Variants in DIAPH3 observed in about 807,000 individuals in gnomAD.
DIAPH3 encodes protein diaphanous homolog 3.
A neutral mutation model predicts 144.3 loss-of-function variants in DIAPH3; 117 were observed. The observed-to-expected ratio is 0.81, with a 90% CI of 0.70 to 0.95. The LOEUF is 0.95. Among genes scored for constraint, DIAPH3 ranks in the 40% least tolerant of loss-of-function variants. The pLI, the probability that DIAPH3 is intolerant of heterozygous loss-of-function variation, is 0.00. For missense variants in DIAPH3, 1,421 were observed against 1,412.7 expected (o/e 1.01, Z -0.09); for synonymous variants, 519 against 488.9 (o/e 1.06, Z -0.81).
At chr13:59,675,054 T>C (rs1183967142) in intron 27 of DIAPH3, among the ~76,000 whole-genome samples, 1 of 152,210 alleles carries the variant, frequency 6.6e-6, no homozygotes, top group African/African-American at 2.4e-5. Context: ...AACTTTTACA[T>C]GCTATCTTTT....
chr13:60,076,332 A>G (rs954601939), intron 4 of DIAPH3, among the ~76,000 whole-genome samples: 1 of 151,766 alleles, frequency 6.6e-6, no homozygotes, highest in African/African-American at 2.4e-5. Context: ...CTCCGAAGAA[A>G]CCCCCTCTGT....
intron 27 of DIAPH3, among the ~76,000 whole-genome samples, chr13:59,722,911 A>ATGTCATG (rs1271430638): frequency 2.0e-5 from 3 of 152,156 alleles, no homozygotes; most frequent in African/African-American, 7.2e-5. Flanking sequence ...TCCACTTACA[A>ATGTCATG]TGTCATGATT....
chr13:59,720,201 T>C (rs568929878), intron 27 of DIAPH3, among the ~76,000 whole-genome samples: 4 of 152,190 alleles, frequency 2.6e-5, no homozygotes, highest in African/African-American at 7.2e-5. Context: ...AATATAAAGA[T>C]AAAAATTGTA....
chr13:60,016,756 A>T (rs2053680196), intron 5 of DIAPH3, among the ~76,000 whole-genome samples: 1 of 152,212 alleles, frequency 6.6e-6, no homozygotes, highest in African/African-American at 2.4e-5. Flanking sequence ...AAACAAACAA[A>T]CAAACAAACA....
chr13:60,038,733 A>G (rs2055409985), intron 5 of DIAPH3, among the ~76,000 whole-genome samples: 1 of 152,162 alleles, frequency 6.6e-6, no homozygotes, highest in Non-Finnish European at 1.5e-5. Flanking sequence ...AATAATGCCT[A>G]AAATTTCAAA....
chr13:60,156,499 T>A (rs1257309926), intron 1 of DIAPH3, among the ~76,000 whole-genome samples: 2 of 151,956 alleles, frequency 1.3e-5, no homozygotes, highest in African/African-American at 4.8e-5. Context: ...TTAGGGGGGA[T>A]GAATGGGCCC....
At chr13:60,151,659 C>T (rs1951791604) in intron 1 of DIAPH3, among the ~76,000 whole-genome samples, 1 of 152,142 alleles carries the variant, frequency 6.6e-6, no homozygotes, top group Admixed American at 6.5e-5. Context: ...CAAGTCTATA[C>T]CAGGCACCAC....
chr13:59,809,921 C>A (rs2040386849), intron 25 of DIAPH3, among the ~76,000 whole-genome samples: 1 of 152,092 alleles, frequency 6.6e-6, no homozygotes, highest in African/African-American at 2.4e-5. Context: ...TTGTTCAATC[C>A]TTACTGACTT....
At chr13:59,982,723 C>T (rs2051096600) in intron 13 of DIAPH3, among the ~76,000 whole-genome samples, 1 of 151,598 alleles carries the variant, frequency 6.6e-6, no homozygotes, top group African/African-American at 2.4e-5. Flanking sequence ...TACTCTGTTA[C>T]CCTAAAATCT....
At chr13:60,156,939 A>ATATATATTTTTTTTTT (rs1337230427) in intron 1 of DIAPH3, among the ~76,000 whole-genome samples, 1 of 82,070 alleles carries the variant, frequency 1.2e-5, no homozygotes, top group African/African-American at 5.4e-5. Context: ...ATATATATAT[A>ATATATATTTTTTTTTT]TTTTTTTTTT....
intron 5 of DIAPH3, among the ~76,000 whole-genome samples, chr13:60,040,830 A>G (rs1330147120): frequency 1.3e-5 from 2 of 152,074 alleles, no homozygotes; most frequent in Non-Finnish European, 2.9e-5. Context: ...CAGGTGCTCA[A>G]TAATTTTTTT....
At chr13:59,819,266 T>C (rs920265313) in intron 24 of DIAPH3, among the ~76,000 whole-genome samples, 3 of 151,942 alleles carry the variant, frequency 2.0e-5, no homozygotes, top group African/African-American at 7.2e-5. Context: ...AGTTGTAGTC[T>C]TGGTTTTCAT....
intron 17 of DIAPH3, among the ~76,000 whole-genome samples, chr13:59,930,479 AGGTGGG>A (rs1179359322): frequency 3.9e-5 from 6 of 152,208 alleles, no homozygotes; most frequent in Admixed American, 1.3e-4. Flanking sequence ...CCAGGTAAGA[AGGTGGG>A]GGTATGTGGG....
chr13:59,694,606 T>C (rs1019367951), intron 27 of DIAPH3, among the ~76,000 whole-genome samples: 11 of 152,166 alleles, frequency 7.2e-5, no homozygotes, highest in African/African-American at 2.7e-4. Flanking sequence ...TTGGGATGCC[T>C]ACATTTCTGC....
At position 60,020,625 on chromosome 13, in the gene DIAPH3, A is replaced by G. The variant is rs190891793; in HGVS notation, c.627-4480T>C. Among the ~76,000 whole-genome samples, 518 of 152,292 alleles carry G rather than the reference A, an allele frequency of 3.4e-3. 3 individuals carry two copies. Among genetic ancestry groups the G allele is most frequent in the African/African-American group, 0.012 (494 of 41,574 alleles). On this transcript the variant is annotated intron_variant, in intron 5 of 27. Transcript: ENST00000400324. ...GCAAATCCTCTCACCTTAGCTTCCA[A>G]AAGTGCTGGGATTACAGGTGTAAGC...
Position 60,041,270 on chromosome 13 carries a change from G to A in DIAPH3, c.626+1420C>T, listed in dbSNP as rs189989417. The stretch of plus-strand genomic sequence containing the variant: ...CACTAGCCAAGGTAAGACTAAAGAA[G>A]GCTAAAATTAAAACCTCATTGTTTC... On this transcript the variant is annotated intron_variant, in intron 5 of 27. Coordinates refer to ENST00000400324, the MANE Select transcript of DIAPH3 (RefSeq NM_001042517.2). Among the ~76,000 whole-genome samples the A allele has an allele frequency of 3.2e-3, 480 of 152,206 alleles. 2 individuals carry two copies. The highest frequency in any genetic ancestry group is 0.01 in the African/African-American group (424 of 41,518).
intron 20 of DIAPH3, among the ~76,000 whole-genome samples, chr13:59,902,145 GTATGGTTGA>G (rs2046471182): frequency 6.6e-6 from 1 of 152,174 alleles, no homozygotes; most frequent in South Asian, 2.1e-4. Context: ...GAAAAACTGT[GTATGGTTGA>G]TATGGTTTGG....
chr13:59,678,141 C>T (rs2032743314), intron 27 of DIAPH3, among the ~76,000 whole-genome samples: 1 of 152,040 alleles, frequency 6.6e-6, no homozygotes, highest in Non-Finnish European at 1.5e-5. Flanking sequence ...TGGATCAGGA[C>T]CTATGTGGGG....
intron 24 of DIAPH3, among the ~76,000 whole-genome samples, chr13:59,816,961 T>G (rs558814600): frequency 6.6e-6 from 1 of 151,982 alleles, no homozygotes; most frequent in Admixed American, 6.6e-5. Context: ...AACTGTTTTC[T>G]ATGATTTCAT....
Sources: allele counts gnomAD v4.1 joint callset (sites outside exome capture counted in the v4.1 genomes callset), GRCh38; gene constraint gnomAD v4.1.1; transcripts MANE v1.5; gene names NCBI Gene and HGNC (gene_info 2026-07-23, HGNC 2026-07-21).